CTNNAL1: variants seen among roughly 807,000 people sequenced by gnomAD.
CTNNAL1 encodes the protein alpha-catulin.
In CTNNAL1, 69 loss-of-function variants were observed where a neutral mutation model predicts 93.6. That is an observed-to-expected ratio of 0.74 (90% CI 0.61 to 0.90). The LOEUF (loss-of-function observed/expected upper bound fraction) is 0.90, where lower values mean the gene tolerates loss of function less well. Ranked by LOEUF, CTNNAL1 falls within the 40% of genes least tolerant of loss-of-function variation. The pLI is 0.00. For missense variants in CTNNAL1, 836 were observed against 862.0 expected, an observed-to-expected ratio of 0.97 and a Z score of 0.38; for synonymous variants, 286 against 305.4, an observed-to-expected ratio of 0.94 and a Z score of 0.66.
At chr9:108,972,192 C>T (rs892021671) in intron 9 of CTNNAL1, among the ~76,000 whole-genome samples, 4 of 152,128 alleles carry the variant, frequency 2.6e-5, no homozygotes, top group African/African-American at 7.2e-5. Context: ...TCCACATTCC[C>T]CTGCTGATGT....
intron 1 of CTNNAL1, among the ~76,000 whole-genome samples, chr9:109,001,172 C>CAAAA (rs757020475): frequency 6.0e-4 from 34 of 56,656 alleles, no homozygotes; most frequent in Admixed American, 6.5e-4. Context: ...ACTCCATCTC[C>CAAAA]AAAAAAAAAA....
intron 8 of CTNNAL1, among the ~76,000 whole-genome samples, chr9:108,975,205 G>C (rs1351162966): frequency 6.6e-6 from 1 of 151,944 alleles, no homozygotes; most frequent in Non-Finnish European, 1.5e-5. Context: ...AGAAAGCACA[G>C]CTAAGGGAAA....
intron 8 of CTNNAL1, 31 bp from the exon 9 acceptor site, chr9:108,972,864 G>GGGGGGCA: frequency 7.0e-6 from 1 of 142,588 alleles, no homozygotes; most frequent in Non-Finnish European, 1.0e-5. Context: ...GGGGGGGTGG[G>GGGGGGCA]AGGGTGGAGA....
At position 108,970,497 on chromosome 9, in the gene CTNNAL1, A is replaced by G. The variant is rs751326483; in HGVS notation, c.1348-3T>C. 1.9e-5 allele frequency: 31 copies of G among 1,608,428 alleles called. No homozygotes were observed. Among genetic ancestry groups the G allele is most frequent in the African/African-American group, 2.7e-5 (2 of 74,664 alleles). Reference sequence around the variant, plus strand: ...ATGTGTCGTAACAATCGACAGGTCTACAAGACAATATGTCTACAGTTTAAC... The same window carrying G: ...ATGTGTCGTAACAATCGACAGGTCTGCAAGACAATATGTCTACAGTTTAAC... On this transcript the variant is annotated splice_polypyrimidine_tract_variant and splice_region_variant and intron_variant, in intron 9 of 18. Transcript: ENST00000325551.
chr9:108,956,954 TGTA>T (rs1043489450), intron 11 of CTNNAL1, among the ~76,000 whole-genome samples: 1 of 151,700 alleles, frequency 6.6e-6, no homozygotes, highest in African/African-American at 2.4e-5. Flanking sequence ...ATTTTGAAGA[TGTA>T]GTACAAAGGG....
chr9:108,992,588 A>G (rs770156745), intron 3 of CTNNAL1, 44 bp downstream of exon 3: 2 of 1,550,626 alleles, frequency 1.3e-6, no homozygotes, highest in African/African-American at 2.7e-5. Flanking sequence ...CACTTTGAAC[A>G]ACACAGAAAG....
At chr9:108,974,997 T>C (rs1402487321) in intron 8 of CTNNAL1, among the ~76,000 whole-genome samples, 1 of 151,750 alleles carries the variant, frequency 6.6e-6, no homozygotes, top group South Asian at 2.1e-4. Flanking sequence ...ACCCCATCTC[T>C]ACTAAAAATA....
At chr9:108,972,864 G>GGGGGGGGGCGGCCCCCCCCCCCCCC in intron 8 of CTNNAL1, 31 bp from the exon 9 acceptor site, 1 of 142,590 alleles carries the variant, frequency 7.0e-6, no homozygotes, top group Non-Finnish European at 1.0e-5. Flanking sequence ...GGGGGGGTGG[G>GGGGGGGGGCGGCCCCCCCCCCCCCC]AGGGTGGAGA....
At chr9:109,002,149 T>A (rs779804906) in intron 1 of CTNNAL1, among the ~76,000 whole-genome samples, 73 of 152,194 alleles carry the variant, frequency 4.8e-4, no homozygotes, top group Non-Finnish European at 7.3e-4. Flanking sequence ...AATGTCCTGC[T>A]TACAGTTCTG....
intron 3 of CTNNAL1, among the ~76,000 whole-genome samples, chr9:108,991,607 T>A (rs1341097908): frequency 6.6e-6 from 1 of 152,198 alleles, no homozygotes; most frequent in Non-Finnish European, 1.5e-5. Context: ...ATTTGGCATG[T>A]TAATCTGCCC....
chr9:108,953,874 A>G lies in CTNNAL1; in HGVS notation c.1630-1380T>C, dbSNP rs557393793. On this transcript the variant is annotated intron_variant, in intron 12 of 18. Transcript: ENST00000325551. Reference sequence around the variant, plus strand: ...GAGAGAGAATAAACAAATATGACCAATGATCTCTCTGGCTCCTCCTTGAAT... The same window carrying G: ...GAGAGAGAATAAACAAATATGACCAGTGATCTCTCTGGCTCCTCCTTGAAT... Among the ~76,000 whole-genome samples, 5 of 152,272 alleles carry G rather than the reference A, an allele frequency of 3.3e-5. No individual in the cohort carries two copies. The East Asian group carries it at 7.7e-4, about 24-fold the overall frequency.
At chr9:108,972,863 G>GCCCCCCCCC in intron 8 of CTNNAL1, 30 bp from the exon 9 acceptor site, 17 of 231,656 alleles carry the variant, frequency 7.3e-5, no homozygotes, top group Non-Finnish European at 1.1e-4. Flanking sequence ...TGGGGGGGTG[G>GCCCCCCCCC]GAGGGTGGAG....
chr9:109,002,887 A>G (rs925836534), intron 1 of CTNNAL1, among the ~76,000 whole-genome samples: 16 of 151,884 alleles, frequency 1.1e-4, no homozygotes, highest in Non-Finnish European at 2.2e-4. Flanking sequence ...CAGCTTCTCG[A>G]GAGGCTGAGG....
At chr9:108,968,411 A>G (rs919012405) in intron 10 of CTNNAL1, among the ~76,000 whole-genome samples, 3 of 152,204 alleles carry the variant, frequency 2.0e-5, no homozygotes, top group African/African-American at 7.2e-5. Flanking sequence ...GCTATTCCTA[A>G]TATCTCTGCT....
At chr9:108,945,424 G>GA (rs1554706267) in intron 15 of CTNNAL1, among the ~76,000 whole-genome samples, 2 of 138,002 alleles carry the variant, frequency 1.4e-5, no homozygotes, top group African/African-American at 2.7e-5. Context: ...AATGTATTTT[G>GA]TTTTTTTTTA....
chr9:108,982,849 G>A (rs548533384), intron 6 of CTNNAL1, among the ~76,000 whole-genome samples: 8 of 152,268 alleles, frequency 5.3e-5, no homozygotes, highest in South Asian at 4.1e-4. Context: ...AGGCCCAGGC[G>A]GGTAGATCAC....
chr9:108,948,153 A>G, intron 15 of CTNNAL1, 33 bp downstream of exon 15: 1 of 1,605,836 alleles, frequency 6.2e-7, no homozygotes, highest in South Asian at 1.1e-5. Flanking sequence ...GCCCGAAATT[A>G]AAGTACTAGC....
chr9:108,982,944 A>T lies in CTNNAL1; in HGVS notation c.900+201T>A, dbSNP rs551809004. On this transcript the variant is annotated intron_variant, in intron 6 of 18. Transcript: ENST00000325551. ...AATATAAAAATTAGCCAGGCATGGT[A>T]GCACATGCCTGTAGTACCAGCTACT... Among the ~76,000 whole-genome samples the T allele has an allele frequency of 5.3e-5, 8 of 152,200 alleles. No individual in the cohort carries two copies. In the South Asian group the frequency reaches 1.7e-3, roughly 32 times the overall value.
chr9:108,952,328 C>T lies in CTNNAL1; in HGVS notation c.1716G>A (p.Leu572=), dbSNP rs1830585713. 1 of 1,614,086 alleles carries T rather than the reference C, an allele frequency of 6.2e-7. No homozygotes were observed. The highest frequency in any genetic ancestry group is 1.7e-5 in the Admixed American group (1 of 60,002). ...QAKIAKLGLK[L]GLLTSDADCE... The stretch of plus-strand genomic sequence containing the variant: ...AGTCAGCGTCAGAGGTGAGCAAACC[C>T]AGCTTAAGTCCAAGCTTTGCTATCT... The change falls in exon 14 of 19, where the codon CTG becomes CTA. Residue 572 remains leucine, a synonymous_variant. Coordinates refer to ENST00000325551, the MANE Select transcript of CTNNAL1 (RefSeq NM_003798.4).
Sources: allele counts gnomAD v4.1 joint callset (sites outside exome capture counted in the v4.1 genomes callset), GRCh38; gene constraint gnomAD v4.1.1; transcripts MANE v1.5; gene names NCBI Gene and HGNC (gene_info 2026-07-23, HGNC 2026-07-21).